EEF1E1: variants seen among roughly 807,000 people sequenced by gnomAD.
EEF1E1 encodes the protein eukaryotic translation elongation factor 1 epsilon-1.
A neutral mutation model predicts 19.9 loss-of-function variants in EEF1E1; 19 were observed. The ratio of observed to expected loss-of-function variants is 0.95; its 90% CI spans 0.66 to 1.40. EEF1E1 has a LOEUF of 1.40. EEF1E1 is among the 40% of genes most tolerant of loss of function. The probability of loss-of-function intolerance (pLI) is 0.00; values close to 1 mark genes in which losing one functional copy is unlikely to be tolerated. For missense variants in EEF1E1, 198 were observed against 202.2 expected, an observed-to-expected ratio of 0.98 and a Z score of 0.13; for synonymous variants, 81 against 80.0, an observed-to-expected ratio of 1.01 and a Z score of -0.07.
intron 3 of EEF1E1, among the ~76,000 whole-genome samples, chr6:8,081,585 TAA>T (rs1757724807): frequency 6.6e-6 from 1 of 152,150 alleles, no homozygotes; most frequent in South Asian, 2.1e-4. Flanking sequence ...AAATATTTTG[TAA>T]AAGAGCATTT....
intron 1 of EEF1E1, chr6:8,101,871 G>C: frequency 7.9e-7 from 1 of 1,273,780 alleles, no homozygotes; most frequent in South Asian, 1.2e-5. Flanking sequence ...AGACTCCTTA[G>C]GTGTTCTCTC....
At chr6:8,076,952 T>TG (rs1224751743), downstream of EEF1E1, among the ~76,000 whole-genome samples, 25 of 134,474 alleles carry the variant, frequency 1.9e-4, no homozygotes, top group African/African-American at 4.3e-4. Context: ...TTTTTGTTTT[T>TG]TTTTTTTTGA....
chr6:8,091,891 T>C (rs1442370802), intron 2 of EEF1E1, among the ~76,000 whole-genome samples: 1 of 152,228 alleles, frequency 6.6e-6, no homozygotes, highest in African/African-American at 2.4e-5. Context: ...CACATCTGTC[T>C]TAGTCCACTT....
chr6:8,101,234 A>AC (rs1758343377), intron 1 of EEF1E1, among the ~76,000 whole-genome samples: 1 of 64,562 alleles, frequency 1.5e-5, no homozygotes, highest in Non-Finnish European at 2.8e-5. Context: ...TCAAAAAAAA[A>AC]AAAAAAAAAA....
At chr6:8,076,310 C>A (rs1011911047), downstream of EEF1E1, among the ~76,000 whole-genome samples, 1 of 151,970 alleles carries the variant, frequency 6.6e-6, no homozygotes, top group African/African-American at 2.4e-5. Flanking sequence ...AAATGTATTT[C>A]TTTCTTTCTC....
downstream of EEF1E1, among the ~76,000 whole-genome samples, chr6:8,074,559 G>C (rs1031501842): frequency 6.6e-6 from 1 of 152,136 alleles, no homozygotes; most frequent in African/African-American, 2.4e-5. Context: ...GCCAGGGGTG[G>C]GACAGACTTG....
downstream of EEF1E1, among the ~76,000 whole-genome samples, chr6:8,079,055 A>C (rs1757664144): frequency 6.6e-6 from 1 of 152,214 alleles, no homozygotes; most frequent in Non-Finnish European, 1.5e-5. Context: ...GCAAGTTATA[A>C]AATATACAGA....
Position 8,092,868 on chromosome 6 carries a change from GCTTT to G in EEF1E1, c.289-2591_289-2588del, listed in dbSNP as rs1414995243. On this transcript the variant is annotated intron_variant, in intron 2 of 3. Coordinates refer to ENST00000379715, the MANE Select transcript of EEF1E1 (RefSeq NM_004280.5). ...GTTTTGTGTTTTAGTGATAAAGACT[GCTTT>G]TTTTTTTTTTTTTTTTTTTTGAGAT... Among the ~76,000 whole-genome samples, 125 of 108,182 alleles carry G rather than the reference GCTTT, an allele frequency of 1.2e-3. 4 individuals are homozygous for G. The highest frequency in any genetic ancestry group is 2.0e-3 in the East Asian group (8 of 4,068). The allele number at this position is 108,182 out of a possible 152,430, so 71.0% of individuals were successfully genotyped here.
intron 3 of EEF1E1, among the ~76,000 whole-genome samples, chr6:8,088,337 T>C (rs1407854583): frequency 6.6e-6 from 1 of 152,202 alleles, no homozygotes; most frequent in African/African-American, 2.4e-5. Flanking sequence ...AGAGGCCAGA[T>C]GAATGGTGAT....
chr6:8,075,625 G>A (rs1037286493), downstream of EEF1E1, among the ~76,000 whole-genome samples: 1 of 152,292 alleles, frequency 6.6e-6, no homozygotes, highest in East Asian at 1.9e-4. Flanking sequence ...CTTCTTGCTG[G>A]TGGAGGGTTT....
At chr6:8,086,829 G>A (rs1037037390) in intron 3 of EEF1E1, among the ~76,000 whole-genome samples, 14 of 152,186 alleles carry the variant, frequency 9.2e-5, no homozygotes, top group Non-Finnish European at 1.9e-4. Flanking sequence ...ACCTACACAT[G>A]CCAGGAATTA....
At chr6:8,074,158 A>G (rs1328381991) in intron 3 of EEF1E1, among the ~76,000 whole-genome samples, 1 of 152,180 alleles carries the variant, frequency 6.6e-6, no homozygotes, top group Non-Finnish European at 1.5e-5. Flanking sequence ...GAACTTAAGA[A>G]TGGAAACCAC....
In EEF1E1 at chr6:8,095,559, G is replaced by A. The variant is rs950690546; in HGVS notation, c.288+1708C>T. 16 of 164,440 alleles carry A rather than the reference G, an allele frequency of 9.7e-5. No homozygotes were observed. The South Asian group carries it at 1.1e-3, about 11-fold the overall frequency. 10.2% of individuals were successfully genotyped at this position (164,440 alleles called of 1,614,324 possible). A position where few individuals can be genotyped will look rare whatever the true frequency, so the allele number is the denominator to read the frequency against. On this transcript the variant is annotated intron_variant, in intron 2 of 3. Coordinates refer to ENST00000379715, the MANE Select transcript of EEF1E1 (RefSeq NM_004280.5). ...ACCAACAGGTTACCATGCCCAGTAG[G>A]TGCCTGTTTTTTTTTTTTTTTAATA...
intron 2 of EEF1E1, chr6:8,095,601 C>A (rs1375548364): frequency 5.6e-5 from 8 of 143,366 alleles, no homozygotes; most frequent in Non-Finnish European, 9.0e-5. Context: ...CACATATATA[C>A]AAAAGGAAAA....
chr6:8,087,684 G>A lies in EEF1E1; in HGVS notation c.384+2502C>T, dbSNP rs189689679. On this transcript the variant is annotated intron_variant, in intron 3 of 3. Transcript: ENST00000379715. ...ATTATTTTGAGAAAGAAAAAGACAC[G>A]GTCATGAGAAAGACTGCTCCAGGGG... 2.2e-3 allele frequency among the ~76,000 whole-genome samples: 336 copies of A among 152,264 alleles called. 1 individual carries two copies. The highest frequency in any genetic ancestry group is 7.6e-3 in the African/African-American group (317 of 41,556).
chr6:8,076,806 C>CT (rs564402925), downstream of EEF1E1, among the ~76,000 whole-genome samples: 11 of 152,212 alleles, frequency 7.2e-5, no homozygotes, highest in South Asian at 1.9e-3. Flanking sequence ...TGAAAGGAGG[C>CT]TTTTTTCTGA....
At chr6:8,100,504 C>T (rs1444907963) in intron 1 of EEF1E1, among the ~76,000 whole-genome samples, 2 of 152,150 alleles carry the variant, frequency 1.3e-5, no homozygotes, top group Admixed American at 6.5e-5. Context: ...CAGGACACAG[C>T]CCTTCTGCAC....
chr6:8,090,390 C>T, intron 2 of EEF1E1, 109 bp from the exon 3 acceptor site: 1 of 746,958 alleles, frequency 1.3e-6, no homozygotes, highest in Non-Finnish European at 1.9e-6. Flanking sequence ...CAAAATATTG[C>T]CATTTAATAA....
chr6:8,086,513 T>C (rs1005577183), intron 3 of EEF1E1, among the ~76,000 whole-genome samples: 1 of 152,152 alleles, frequency 6.6e-6, no homozygotes, highest in African/African-American at 2.4e-5. Context: ...CATGGATAGG[T>C]TGGGGCCTGC....
Sources: gnomAD v4.1 joint callset for allele counts (sites outside exome capture counted in the v4.1 genomes callset) on GRCh38, gnomAD v4.1.1 for gene constraint, MANE v1.5 for transcripts, NCBI Gene and HGNC (gene_info 2026-07-23, HGNC 2026-07-21) for gene names.